The following LRP1B variants were observed in gnomAD, a reference collection of about 807,000 sequenced individuals.
LRP1B encodes the protein low-density lipoprotein receptor-related protein 1B.
Under a neutral mutation model 556.6 loss-of-function variants are expected in LRP1B, and 217 were observed. The ratio of observed to expected loss-of-function variants is 0.39; its 90% CI spans 0.35 to 0.44. The LOEUF is 0.44. Among genes scored for constraint, LRP1B ranks in the 20% least tolerant of loss-of-function variants. The probability of loss-of-function intolerance (pLI) is 1.00; values close to 1 mark genes in which losing one functional copy is unlikely to be tolerated. For missense variants in LRP1B, 5,053 were observed against 5,620.8 expected (o/e 0.90, Z 3.23); for synonymous variants, 2,047 against 1,865.8 (o/e 1.10, Z -2.50).
chr2:140,886,258 G>A lies in LRP1B; in HGVS notation c.3844C>T (p.Leu1282=), dbSNP rs1237010975. The A allele has an allele frequency of 1.9e-6, 3 of 1,609,328 alleles. No individual in the cohort carries two copies. Among genetic ancestry groups the A allele is most frequent in the Admixed American group, 1.7e-5 (1 of 59,862 alleles). Residue 1282 remains leucine (L), a synonymous_variant, in exon 24 of 91, where the codon CTA becomes TTA. Transcript: ENST00000389484. ...GTGTTTCTCAATCCAGGAACAAGTA[G>A]ACTATAGTCTCTTTTGTGAAGATCA... ...RIDLHKRDYS[L]LVPGLRNTIA... is the part of the protein sequence containing the mutation.
At chr2:141,863,660 G>T (rs1435255087) in intron 1 of LRP1B, among the ~76,000 whole-genome samples, 1 of 152,106 alleles carries the variant, frequency 6.6e-6, no homozygotes, top group Non-Finnish European at 1.5e-5. Context: ...GCATGACTAT[G>T]TACCACTTCC....
chr2:141,479,245 C>T (rs1682824600), intron 3 of LRP1B, among the ~76,000 whole-genome samples: 1 of 152,184 alleles, frequency 6.6e-6, no homozygotes, highest in Non-Finnish European at 1.5e-5. Flanking sequence ...TACTTCACCC[C>T]AGACCTGGAA....
chr2:141,647,091 A>AG (rs1425110441), intron 2 of LRP1B, among the ~76,000 whole-genome samples: 1 of 152,158 alleles, frequency 6.6e-6, no homozygotes, highest in Admixed American at 6.6e-5. Context: ...TGGGGGAAGA[A>AG]GGTCCTGAGT....
At chr2:141,282,507 G>GTATATGTATATGTATATC (rs1558979721) in intron 3 of LRP1B, among the ~76,000 whole-genome samples, 5 of 150,712 alleles carry the variant, frequency 3.3e-5, no homozygotes, top group Non-Finnish European at 7.4e-5. Flanking sequence ...ATATGTATAT[G>GTATATGTATATGTATATC]TATATGTATA....
At position 141,505,225 on chromosome 2, in the gene LRP1B, C is replaced by A. The variant is rs574860162; in HGVS notation, c.206-24692G>T. On this transcript the variant is annotated intron_variant, in intron 2 of 90. Coordinates refer to ENST00000389484, the MANE Select transcript of LRP1B (RefSeq NM_018557.3). ...TCTATAAAAGCTCCAATGGTTATCACATATTCTTTGATCTCCTGCTCCCTG... is the reference window on the plus strand; with the variant it reads ...TCTATAAAAGCTCCAATGGTTATCAAATATTCTTTGATCTCCTGCTCCCTG... Among the ~76,000 whole-genome samples, 21 of 126,754 alleles carry A rather than the reference C, an allele frequency of 1.7e-4. No individual in the cohort carries two copies. The South Asian group carries it at 4.6e-3, about 28-fold the overall frequency. The allele number at this position is 126,754 out of a possible 152,430, so 83.2% of individuals were successfully genotyped here.
rs1488724427 is a variant in LRP1B at position 140,305,685 on chromosome 2, C to T, written c.12806-7716G>A. Among the ~76,000 whole-genome samples, 25 of 152,226 alleles carry T rather than the reference C, an allele frequency of 1.6e-4. No homozygotes were observed. The East Asian group carries it at 4.8e-3, about 29-fold the overall frequency. On this transcript the variant is annotated intron_variant, in intron 83 of 90. Transcript: ENST00000389484. ...ATTGCCCTGGCCAGAACTTGCAACA[C>T]TATGTTGAATAGGAGTGGTGAGAGA...
At chr2:141,186,112 A>C (rs1681249443) in intron 7 of LRP1B, among the ~76,000 whole-genome samples, 2 of 146,736 alleles carry the variant, frequency 1.4e-5, no homozygotes, top group African/African-American at 2.5e-5. Context: ...AGTATGCTTA[A>C]GTAACAGGTA....
intron 1 of LRP1B, among the ~76,000 whole-genome samples, chr2:142,055,201 A>C (rs908152246): frequency 6.6e-6 from 1 of 152,128 alleles, no homozygotes; most frequent in Non-Finnish European, 1.5e-5. Flanking sequence ...AAATAGCTAT[A>C]CGTAATATGA....
chr2:140,355,793 C>T (rs10202846), intron 75 of LRP1B, among the ~76,000 whole-genome samples: 46,764 of 151,646 alleles, frequency 0.31, 8,179 homozygotes, highest in Non-Finnish European at 0.4. Context: ...TATTTACTTA[C>T]TTACTATAAG....
intron 1 of LRP1B, among the ~76,000 whole-genome samples, chr2:142,102,128 C>T (rs985382628): frequency 6.6e-6 from 1 of 151,978 alleles, no homozygotes; most frequent in Non-Finnish European, 1.5e-5. Flanking sequence ...ATTCTAGTCT[C>T]TCTCTGCAGT....
At chr2:141,480,288 C>T (rs1559095561) in intron 3 of LRP1B, 108 bp downstream of exon 3, 1 of 1,165,672 alleles carries the variant, frequency 8.6e-7, no homozygotes, top group Non-Finnish European at 1.3e-6. Flanking sequence ...TTCTTAATAA[C>T]TGATATGCTT....
At chr2:140,777,917 G>GA (rs77779253) in intron 32 of LRP1B, among the ~76,000 whole-genome samples, 65,616 of 151,432 alleles carry the variant, frequency 0.43, 15,656 homozygotes, top group East Asian at 0.66. Flanking sequence ...AAAATGGTAG[G>GA]AAAAAAGTAA....
intron 3 of LRP1B, among the ~76,000 whole-genome samples, chr2:141,276,658 C>CTTTTT (rs11353705): frequency 1.7e-4 from 21 of 122,918 alleles, no homozygotes; most frequent in African/African-American, 5.2e-4. Flanking sequence ...TTCTTTCTTT[C>CTTTTT]TTTTTTTTTT....
At chr2:142,061,699 A>C (rs76563686) in intron 1 of LRP1B, among the ~76,000 whole-genome samples, 6,572 of 152,066 alleles carry the variant, frequency 0.043, 226 homozygotes, top group Non-Finnish European at 0.058. Flanking sequence ...AATCAATTCA[A>C]AAGTTTGGCA....
rs557760947 is a variant in LRP1B, at chr2:140,883,852, T to C, written c.4134A>G (p.Glu1378=). 1 of 1,613,984 alleles carries C rather than the reference T, an allele frequency of 6.2e-7. No homozygotes were observed. ...LRTTLIAGAM[E]HPRAIALDPR... is the part of the protein sequence containing the mutation. ...GGTCCAAAGCAATGGCCCTGGGGTG[T>C]TCCATGGCTCCTGCTATTAGTGTAG... Residue 1378 remains glutamate, a synonymous_variant, in exon 25 of 91, where the codon GAA becomes GAG. Coordinates refer to ENST00000389484, the MANE Select transcript of LRP1B (RefSeq NM_018557.3).
intron 84 of LRP1B, among the ~76,000 whole-genome samples, chr2:140,280,790 C>G (rs761595891): frequency 6.6e-6 from 1 of 151,628 alleles, no homozygotes; most frequent in Non-Finnish European, 1.5e-5. Flanking sequence ...GCATAACAGA[C>G]GAGATAGTCT....
intron 72 of LRP1B, among the ~76,000 whole-genome samples, chr2:140,359,756 T>A (rs1409421285): frequency 6.6e-6 from 1 of 151,684 alleles, no homozygotes; most frequent in African/African-American, 2.4e-5. Flanking sequence ...AACATCTCAG[T>A]TGGTTGTAGG....
intron 49 of LRP1B, among the ~76,000 whole-genome samples, chr2:140,519,566 C>T (rs1690067838): frequency 6.6e-6 from 1 of 152,128 alleles, no homozygotes; most frequent in African/African-American, 2.4e-5. Context: ...GACTTCATGA[C>T]TAAAACACCA....
In LRP1B at chr2:141,424,401, C is replaced by T. The variant is rs1007207992; in HGVS notation, c.343+55995G>A. The stretch of plus-strand genomic sequence containing the variant: ...TGCTGGGATTACAGGCATGAGCCAC[C>T]GCACCCGGCCTCATCTTCTTAAATA... On this transcript the variant is annotated intron_variant, in intron 3 of 90. Transcript: ENST00000389484. 2.6e-5 allele frequency among the ~76,000 whole-genome samples: 4 copies of T among 152,076 alleles called. No individual in the cohort carries two copies. The South Asian group carries it at 6.2e-4, about 24-fold the overall frequency.
Sources: allele counts gnomAD v4.1 joint callset (sites outside exome capture counted in the v4.1 genomes callset), GRCh38; gene constraint gnomAD v4.1.1; transcripts MANE v1.5; gene names NCBI Gene and HGNC (gene_info 2026-07-23, HGNC 2026-07-21).